The following FOCAD variants were observed in gnomAD, a reference collection of about 807,000 sequenced individuals.
FOCAD encodes KIAA1797.
In FOCAD, 198 loss-of-function variants were observed where a neutral mutation model predicts 225.6. The observed-to-expected ratio is 0.88, with a 90% CI of 0.78 to 0.99. The LOEUF (loss-of-function observed/expected upper bound fraction) is 0.99, where lower values mean the gene tolerates loss of function less well. Ranked by LOEUF, FOCAD falls within the 50% of genes least tolerant of loss-of-function variation. The pLI is 0.00. For synonymous variants in FOCAD, 897 were observed against 755.0 expected (o/e 1.19, Z -3.08); for missense variants, 2,713 against 2,123.6 (o/e 1.28, Z -5.46).
At chr9:20,896,283 C>T (rs1832079533) in intron 21 of FOCAD, among the ~76,000 whole-genome samples, 1 of 151,772 alleles carries the variant, frequency 6.6e-6, no homozygotes, top group South Asian at 2.1e-4. Flanking sequence ...AGGCCTTTTA[C>T]ATTTATGTTC....
At chr9:20,780,417 C>A (rs557888203) in intron 9 of FOCAD, among the ~76,000 whole-genome samples, 487 of 152,244 alleles carry the variant, frequency 3.2e-3, no homozygotes, top group African/African-American at 0.011. Context: ...CAGTCAAATA[C>A]TTTTATTATT....
intron 2 of FOCAD, among the ~76,000 whole-genome samples, chr9:20,663,463 A>G (rs962878986): frequency 4.3e-5 from 6 of 139,910 alleles, no homozygotes; most frequent in African/African-American, 1.4e-4. Flanking sequence ...ACATGTATGC[A>G]TGTGTGCATG....
intron 20 of FOCAD, among the ~76,000 whole-genome samples, chr9:20,884,549 G>C (rs1173291491): frequency 6.6e-6 from 1 of 151,876 alleles, no homozygotes; most frequent in Admixed American, 6.6e-5. Flanking sequence ...TGCCTACCTT[G>C]GCCTCCCAAA....
intron 35 of FOCAD, among the ~76,000 whole-genome samples, chr9:20,970,037 G>T (rs1839627745): frequency 6.7e-6 from 1 of 148,420 alleles, no homozygotes; most frequent in African/African-American, 2.5e-5. Context: ...GTTCCTTACT[G>T]GACTCCATGG....
chr9:20,930,059 T>C (rs1835322284), intron 27 of FOCAD, among the ~76,000 whole-genome samples: 1 of 152,178 alleles, frequency 6.6e-6, no homozygotes, highest in Non-Finnish European at 1.5e-5. Context: ...GAGAACTACA[T>C]GTACCCGGCT....
intron 7 of FOCAD, among the ~76,000 whole-genome samples, chr9:20,769,123 C>G (rs2130991518): frequency 6.6e-6 from 1 of 152,160 alleles, no homozygotes; most frequent in South Asian, 2.1e-4. Flanking sequence ...TAATTTATAC[C>G]AGACTGTTTA....
intron 15 of FOCAD, among the ~76,000 whole-genome samples, chr9:20,826,522 A>G (rs1322053320): frequency 2.0e-5 from 3 of 152,178 alleles, no homozygotes; most frequent in African/African-American, 4.8e-5. Flanking sequence ...CTTAGTTTGC[A>G]TATGGCCTAT....
intron 7 of FOCAD, 124 bp downstream of exon 7, chr9:20,765,197 A>G (rs1207547230): frequency 1.3e-6 from 1 of 756,390 alleles, no homozygotes; most frequent in Non-Finnish European, 2.1e-6. Flanking sequence ...CGCTCTAGAA[A>G]TGCTTACAAT....
chr9:20,876,771 C>T (rs952071491), intron 19 of FOCAD, among the ~76,000 whole-genome samples: 4 of 151,966 alleles, frequency 2.6e-5, no homozygotes, highest in Non-Finnish European at 5.9e-5. Flanking sequence ...GGAATATATA[C>T]CCTAAAATGC....
rs1198537247 is a variant in FOCAD at position 20,740,306 on chromosome 9, G to A, written c.358G>A (p.Gly120Arg). 2.5e-6 allele frequency: 4 copies of A among 1,610,970 alleles called. No homozygotes were observed. Among genetic ancestry groups the A allele is most frequent in the South Asian group, 2.2e-5 (2 of 90,784 alleles). ...GCAAGCTCTTAAGGAAGGACAAGGT[G>A]GGGAAAAGAATATTCAGAGTATATA... Reference protein sequence around the residue: ...QMQALKEGQGGEKNIQSIYTI... With the variant: ...QMQALKEGQGREKNIQSIYTI... Residue 120 changes from glycine (G) to arginine (R), a missense_variant, in exon 5 of 44, where the codon GGG becomes AGG. Physicochemically the swap from Gly to Arg is moderately radical, Grantham distance 125. Coordinates refer to ENST00000338382, the MANE Select transcript of FOCAD (RefSeq NM_001375567.1).
At chr9:20,699,755 A>T (rs1823710653) in intron 1 of FOCAD, among the ~76,000 whole-genome samples, 2 of 58,054 alleles carry the variant, frequency 3.4e-5, no homozygotes, top group East Asian at 3.8e-4. Context: ...AAAAAAAAAA[A>T]AAAAAAAAAA....
At position 20,907,267 on chromosome 9, in the gene FOCAD, G is replaced by T. The variant is rs539081655; in HGVS notation, c.2718+25G>T. The T allele has an allele frequency of 3.2e-5, 51 of 1,588,434 alleles. No individual in the cohort carries two copies. In the Admixed American group the frequency reaches 5.9e-4, roughly 18 times the overall value. ...GGTAATGAAACCACAGGATAGGTTT[G>T]CTTTGGCGAAATGTCTCCTTATCTC... On this transcript the variant is annotated intron_variant, in intron 22 of 43. Coordinates refer to ENST00000338382, the MANE Select transcript of FOCAD (RefSeq NM_001375567.1).
At chr9:20,813,333 A>G (rs568869477) in intron 11 of FOCAD, among the ~76,000 whole-genome samples, 1 of 152,276 alleles carries the variant, frequency 6.6e-6, no homozygotes, top group South Asian at 2.1e-4. Context: ...GGGAATGTGA[A>G]TATTTCCTCA....
intron 4 of FOCAD, among the ~76,000 whole-genome samples, chr9:20,730,374 A>G (rs929431339): frequency 7.9e-5 from 12 of 152,136 alleles, no homozygotes; most frequent in African/African-American, 2.9e-4. Context: ...GAAAGGCAGG[A>G]TATATATGTA....
At chr9:20,920,960 T>A (rs937020630) in intron 24 of FOCAD, among the ~76,000 whole-genome samples, 1 of 148,916 alleles carries the variant, frequency 6.7e-6, no homozygotes, top group East Asian at 1.9e-4. Flanking sequence ...ACTTAAAGTA[T>A]AATAATAATA....
chr9:20,786,031 G>A (rs910540076), intron 10 of FOCAD, among the ~76,000 whole-genome samples: 1 of 152,126 alleles, frequency 6.6e-6, no homozygotes, highest in African/African-American at 2.4e-5. Context: ...TTTACAAGCC[G>A]GGAAACTGAG....
intron 21 of FOCAD, among the ~76,000 whole-genome samples, chr9:20,888,137 TTC>T (rs962295878): frequency 1.5e-4 from 19 of 130,032 alleles, no homozygotes; most frequent in African/African-American, 4.9e-4. Context: ...TTTTTTTTTC[TTC>T]TTTTTTTTTT....
intron 27 of FOCAD, among the ~76,000 whole-genome samples, chr9:20,930,926 A>G (rs768971994): frequency 4.6e-5 from 7 of 152,138 alleles, no homozygotes; most frequent in Non-Finnish European, 1.0e-4. Flanking sequence ...CTTTGCTACT[A>G]TGCTACAAAT....
At chr9:20,662,085 A>G (rs1169554480) in intron 2 of FOCAD, among the ~76,000 whole-genome samples, 1 of 152,214 alleles carries the variant, frequency 6.6e-6, no homozygotes, top group African/African-American at 2.4e-5. Flanking sequence ...TACTGAAAAT[A>G]TCTACAAGTA....
Sources: gnomAD v4.1 joint callset for allele counts (sites outside exome capture counted in the v4.1 genomes callset) on GRCh38, gnomAD v4.1.1 for gene constraint, MANE v1.5 for transcripts, NCBI Gene and HGNC (gene_info 2026-07-23, HGNC 2026-07-21) for gene names.